Variants in BEST3 observed in about 807,000 individuals in gnomAD.
The protein encoded by BEST3 is bestrophin-3.
Under a neutral mutation model 47.1 loss-of-function variants are expected in BEST3, and 50 were observed. The observed-to-expected ratio is 1.06, with a 90% CI of 0.85 to 1.34. The LOEUF (loss-of-function observed/expected upper bound fraction) is 1.34. Among genes scored for constraint, BEST3 ranks in the 40% most tolerant of loss-of-function variants. BEST3 has a pLI of 0.00. For missense variants in BEST3, 765 were observed against 817.0 expected, an observed-to-expected ratio of 0.94 and a Z score of 0.78; for synonymous variants, 282 against 298.8, an observed-to-expected ratio of 0.94 and a Z score of 0.58.
chr12:69,698,558 A>G (rs1246243233), intron 1 of BEST3, among the ~76,000 whole-genome samples: 5 of 152,246 alleles, frequency 3.3e-5, no homozygotes, highest in African/African-American at 4.8e-5. Context: ...ATATGCAAAT[A>G]AAATGAGATT....
rs545255599 is a variant in BEST3, at chr12:69,655,537, G to T, written c.1377C>A (p.Ser459Arg). The T allele has an allele frequency of 1.2e-6, 2 of 1,614,124 alleles. No homozygotes were observed. The highest frequency in any genetic ancestry group is 2.2e-5 in the South Asian group (2 of 91,074). Residue 459 changes from serine (S) to arginine (R), a missense_variant, in exon 10 of 10, where the codon AGC (serine) becomes AGA (arginine). Physicochemically the swap from Ser to Arg is moderately radical, Grantham distance 110. Coordinates refer to ENST00000330891, the MANE Select transcript of BEST3 (RefSeq NM_032735.3). ...TWKKSCFPEGSPTLHFSMGEL... is the reference protein window; with the variant it reads ...TWKKSCFPEGRPTLHFSMGEL... ...CTCCCATGCTGAAGTGCAGCGTGGG[G>T]CTTCCTTCTGGGAAGCAGGATTTCT...
chr12:69,686,598 C>A lies in BEST3; in HGVS notation c.481+7076G>T, dbSNP rs972762846. 2.6e-5 allele frequency among the ~76,000 whole-genome samples: 4 copies of A among 151,518 alleles called. No individual in the cohort carries two copies. In the East Asian group the frequency reaches 7.7e-4, roughly 29 times the overall value. On this transcript the variant is annotated intron_variant, in intron 4 of 9. Transcript: ENST00000330891. ...ACCAGCCTGGCCAATATGGTGAAACCCTGTCTCTACTAAAAATACAAAAAT... is the reference window on the plus strand; with the variant it reads ...ACCAGCCTGGCCAATATGGTGAAACACTGTCTCTACTAAAAATACAAAAAT...
intron 4 of BEST3, among the ~76,000 whole-genome samples, chr12:69,688,037 T>G (rs1329054807): frequency 6.6e-6 from 1 of 152,226 alleles, no homozygotes; most frequent in Admixed American, 6.5e-5. Context: ...TGGTAATGTT[T>G]CTTTAAGAGG....
intron 7 of BEST3, 99 bp from the exon 8 acceptor site, chr12:69,673,064 G>C: frequency 1.1e-6 from 1 of 894,648 alleles, no homozygotes; most frequent in Non-Finnish European, 1.7e-6. Context: ...TTCCTTGTGT[G>C]ACTTTCTAAT....
At chr12:69,692,834 C>A (rs1402037057) in intron 4 of BEST3, among the ~76,000 whole-genome samples, 1 of 152,162 alleles carries the variant, frequency 6.6e-6, no homozygotes, top group African/African-American at 2.4e-5. Flanking sequence ...ATGATCTTGG[C>A]TCACTGCAAC....
chr12:69,655,028 C>T lies in BEST3; in HGVS notation c.1886G>A (p.Gly629Glu), dbSNP rs776751183. The change falls in exon 10 of 10, where the codon GGG (glycine) becomes GAG (glutamate). Residue 629 changes from glycine to glutamate, a missense_variant. By Grantham distance (98) the Gly-to-Glu change is moderately conservative (BLOSUM62 -2). Coordinates refer to ENST00000330891, the MANE Select transcript of BEST3 (RefSeq NM_032735.3). ...TCGAGAGCCAGCCACAATGTTGATC[C>T]CACTGATCTCTGAGGATGTTTCTGT... ...IDTETSSEIS[G>E]INIVAGSRVS... 25 of 1,613,958 alleles carry T rather than the reference C, an allele frequency of 1.5e-5. No homozygotes were observed. Among genetic ancestry groups the T allele is most frequent in the African/African-American group, 2.7e-5 (2 of 74,880 alleles).
rs1027883495 is a variant in BEST3 at position 69,676,966 on chromosome 12, T to G, written c.817A>C (p.Ile273Leu). 1.9e-6 allele frequency: 3 copies of G among 1,613,930 alleles called. No individual in the cohort carries two copies. The highest frequency in any genetic ancestry group is 2.5e-6 in the Non-Finnish European group (3 of 1,179,998). The change falls in exon 7 of 10, where the codon ATT becomes CTT. Residue 273 changes from isoleucine to leucine, a missense_variant. Transcript: ENST00000330891. The part of the protein sequence containing the change: ...GYAGHDLDLY[I>L]PIFTLLQFFF... ...AATTGTAGGAGGGTGAAGATGGGAA[T>G]GTAAAGATCCAAGTCATGCCCTGCG...
rs747469465 is a variant in BEST3 at position 69,655,347 on chromosome 12, C to T, written c.1567G>A (p.Ala523Thr). 21 of 1,613,964 alleles carry T rather than the reference C, an allele frequency of 1.3e-5. No individual in the cohort carries two copies. The highest frequency in any genetic ancestry group is 6.7e-5 in the African/African-American group (5 of 74,888). ...PTSGGYHHDS[A>T]TSILSSEFTG... is the part of the protein sequence containing the mutation. ...AACTCAGAGCTCAAGATGGAGGTAGCGGAATCATGGTGGTAGCCCCCTGAT... is the reference window on the plus strand; with the variant it reads ...AACTCAGAGCTCAAGATGGAGGTAGTGGAATCATGGTGGTAGCCCCCTGAT... The change falls in exon 10 of 10, where the codon GCT becomes ACT. Residue 523 changes from alanine (A) to threonine (T), a missense_variant. Transcript: ENST00000330891.
chr12:69,672,836 C>A, intron 8 of BEST3, 49 bp downstream of exon 8: 2 of 1,353,890 alleles, frequency 1.5e-6, no homozygotes, highest in African/African-American at 1.4e-5. Context: ...TGAAATATCG[C>A]AAGTGATTTA....
chr12:69,646,021 C>A (rs1883022088), intron 9 of BEST3, among the ~76,000 whole-genome samples: 1 of 152,186 alleles, frequency 6.6e-6, no homozygotes, highest in South Asian at 2.1e-4. Flanking sequence ...ACTGCAACCT[C>A]TGCCCCCGAG....
chr12:69,681,945 G>A (rs1159989668), intron 4 of BEST3, among the ~76,000 whole-genome samples: 1 of 152,092 alleles, frequency 6.6e-6, no homozygotes, highest in African/African-American at 2.4e-5. Context: ...GCCGGGTGTA[G>A]TGGTAGGGAC....
At chr12:69,692,847 C>T (rs969987902) in intron 4 of BEST3, among the ~76,000 whole-genome samples, 4 of 152,182 alleles carry the variant, frequency 2.6e-5, no homozygotes, top group Admixed American at 2.0e-4. Context: ...ACTGCAACCT[C>T]CACTTCCCAG....
At chr12:69,675,008 C>T (rs1016074094) in intron 7 of BEST3, among the ~76,000 whole-genome samples, 5 of 151,898 alleles carry the variant, frequency 3.3e-5, no homozygotes, top group Non-Finnish European at 5.9e-5. Flanking sequence ...AGTGATTCTC[C>T]TGCCTCAGCC....
intron 4 of BEST3, among the ~76,000 whole-genome samples, chr12:69,690,306 C>T (rs1174253679): frequency 6.6e-6 from 1 of 152,200 alleles, no homozygotes; most frequent in East Asian, 1.9e-4. Context: ...TTCCACATGC[C>T]TCGGAAAGGG....
intron 9 of BEST3, among the ~76,000 whole-genome samples, chr12:69,646,826 G>A (rs1201325506): frequency 6.6e-6 from 1 of 152,098 alleles, no homozygotes; most frequent in Non-Finnish European, 1.5e-5. Flanking sequence ...TCTAATCTTG[G>A]TTGTGCTTTT....
At position 69,655,730 on chromosome 12, in the gene BEST3, A is replaced by C; in HGVS notation, c.1184T>G (p.Val395Gly). 6.2e-7 allele frequency: 1 copy of C among 1,612,388 alleles called. No individual in the cohort carries two copies. The highest frequency in any genetic ancestry group is 8.5e-7 in the Non-Finnish European group (1 of 1,179,572). ...TTCGTGGGCACTCAGGAACCGCTTG[A>C]CTCTTCTTATCATGGAATGCCGATG... ...HGHRHSMIRRVKRFLSAHEHP... is the reference protein window; with the variant it reads ...HGHRHSMIRRGKRFLSAHEHP... The change falls in exon 10 of 10, where the codon GTC becomes GGC. Residue 395 changes from valine to glycine, a missense_variant. Physicochemically the swap from Val to Gly is moderately radical, Grantham distance 109. Transcript: ENST00000330891.
At chr12:69,697,923 T>C (rs1377354398) in intron 1 of BEST3, 110 bp from the exon 2 acceptor site, 1 of 809,632 alleles carries the variant, frequency 1.2e-6, no homozygotes, top group Non-Finnish European at 1.9e-6. Context: ...GTCAGCCATA[T>C]CTCTGTTTTG....
In BEST3 at chr12:69,694,422, T is replaced by C. The variant is rs773990641; in HGVS notation, c.195A>G (p.Leu65=). The change falls in exon 3 of 10, where the codon TTA becomes TTG. Residue 65 remains leucine (L), a synonymous_variant. Transcript: ENST00000330891. ...TGVQKRYFEK[L]SIYCDRYAEQ... is the part of the protein sequence containing the mutation. ...CAGCATATCTGTCACAGTAAATTGA[T>C]AATTTTTCAAAGTAACGTTTTTGGA... 5.6e-6 allele frequency: 9 copies of C among 1,609,956 alleles called. No homozygotes were observed. In the Admixed American group the frequency reaches 1.5e-4, roughly 27 times the overall value.
chr12:69,688,402 C>T (rs1438388871), intron 4 of BEST3, among the ~76,000 whole-genome samples: 2 of 152,152 alleles, frequency 1.3e-5, no homozygotes, highest in East Asian at 1.9e-4. Flanking sequence ...GACATTATTC[C>T]GAATTCCACT....
Sources: allele counts gnomAD v4.1 joint callset (sites outside exome capture counted in the v4.1 genomes callset), GRCh38; gene constraint gnomAD v4.1.1; transcripts MANE v1.5; gene names NCBI Gene and HGNC (gene_info 2026-07-23, HGNC 2026-07-21).